Variants in WASF3 observed in about 807,000 individuals in gnomAD.
The protein encoded by WASF3 is actin-binding protein WASF3.
Under a neutral mutation model 46.6 loss-of-function variants are expected in WASF3, and 11 were observed. That is an observed-to-expected ratio of 0.24 (90% CI 0.15 to 0.39). The LOEUF is 0.39. WASF3 is among the 10% of genes least tolerant of loss of function. The probability of loss-of-function intolerance (pLI) is 1.00; values close to 1 mark genes in which losing one functional copy is unlikely to be tolerated. For synonymous variants in WASF3, 242 were observed against 259.7 expected, an observed-to-expected ratio of 0.93 and a Z score of 0.65; for missense variants, 576 against 669.8, an observed-to-expected ratio of 0.86 and a Z score of 1.55.
At chr13:26,635,486 C>G (rs1014657843) in intron 2 of WASF3, among the ~76,000 whole-genome samples, 1 of 152,196 alleles carries the variant, frequency 6.6e-6, no homozygotes, top group Non-Finnish European at 1.5e-5. Context: ...AAGCCTGCTT[C>G]TGTCAACTCG....
In WASF3 at chr13:26,593,193, G is replaced by A. The variant is rs79625247; in HGVS notation, c.-108-19768G>A. On this transcript the variant is annotated intron_variant, in intron 1 of 9. Transcript: ENST00000335327. ...TATCATCTTAGCTTGTTTATGGAAGGGTCATTTATCTTGCAAAATTTTCTA... is the reference window on the plus strand; with the variant it reads ...TATCATCTTAGCTTGTTTATGGAAGAGTCATTTATCTTGCAAAATTTTCTA... Among the ~76,000 whole-genome samples, 740 of 152,148 alleles carry A rather than the reference G, an allele frequency of 4.9e-3. 9 individuals carry two copies. Among genetic ancestry groups the A allele is most frequent in the East Asian group, 0.033 (169 of 5,174 alleles).
At chr13:26,684,444 T>G (rs1048298275) in intron 9 of WASF3, among the ~76,000 whole-genome samples, 1 of 129,104 alleles carries the variant, frequency 7.7e-6, no homozygotes, top group Admixed American at 8.1e-5. Context: ...TGTGAAGAAC[T>G]ATCCAGATTA....
At chr13:26,597,847 T>G (rs1197171791) in intron 1 of WASF3, among the ~76,000 whole-genome samples, 3 of 152,358 alleles carry the variant, frequency 2.0e-5, no homozygotes, top group Admixed American at 2.0e-4. Context: ...TGCCACATTT[T>G]CTTAATCCAG....
chr13:26,590,020 C>G (rs1371734585), intron 1 of WASF3, among the ~76,000 whole-genome samples: 1 of 152,166 alleles, frequency 6.6e-6, no homozygotes, highest in African/African-American at 2.4e-5. Context: ...CTTCCCCTTC[C>G]CCTTTGAAAC....
chr13:26,544,178 G>C, the WASF3 span, among the ~76,000 whole-genome samples: 2 of 152,212 alleles, frequency 1.3e-5, no homozygotes, highest in Non-Finnish European at 2.9e-5. Flanking sequence ...AAGAGGGTGA[G>C]AGAAAGGAGT....
At chr13:26,628,571 C>G (rs1881542755) in intron 2 of WASF3, among the ~76,000 whole-genome samples, 1 of 152,216 alleles carries the variant, frequency 6.6e-6, no homozygotes, top group African/African-American at 2.4e-5. Context: ...TTCCTGCCTC[C>G]TTTGCATGAA....
At chr13:26,615,949 C>A (rs905322940) in intron 2 of WASF3, among the ~76,000 whole-genome samples, 1 of 152,180 alleles carries the variant, frequency 6.6e-6, no homozygotes, top group Non-Finnish European at 1.5e-5. Flanking sequence ...ATCAGTAGTT[C>A]ATTCCATGTT....
At chr13:26,644,572 G>A (rs148805306) in intron 3 of WASF3, among the ~76,000 whole-genome samples, 213 of 152,296 alleles carry the variant, frequency 1.4e-3, no homozygotes, top group Non-Finnish European at 1.2e-3. Context: ...CTTCCGGTAA[G>A]CACCAGAGAT....
At chr13:26,570,598 TAC>T (rs1879606047) in intron 1 of WASF3, among the ~76,000 whole-genome samples, 1 of 152,188 alleles carries the variant, frequency 6.6e-6, no homozygotes, top group South Asian at 2.1e-4. Flanking sequence ...AGAAATTAAT[TAC>T]TCTTTATCAG....
intron 5 of WASF3, among the ~76,000 whole-genome samples, chr13:26,669,411 AATATTTGGGGTATATAAC>A (rs1275338400): frequency 6.6e-6 from 1 of 151,708 alleles, no homozygotes; most frequent in Non-Finnish European, 1.5e-5. Context: ...TTAATATAGC[AATATTTGGGGTATATAAC>A]ATATAAATTT....
At chr13:26,561,242 C>G (rs1210944847) in intron 1 of WASF3, among the ~76,000 whole-genome samples, 1 of 151,928 alleles carries the variant, frequency 6.6e-6, no homozygotes, top group African/African-American at 2.4e-5. Flanking sequence ...TCAAATTTGC[C>G]CTTTGGAGAA....
chr13:26,644,364 A>AG (rs1209160057), intron 3 of WASF3, among the ~76,000 whole-genome samples: 1 of 152,240 alleles, frequency 6.6e-6, no homozygotes, highest in Admixed American at 6.5e-5. Flanking sequence ...CAACAGCAAT[A>AG]GGAAACCACT....
intron 1 of WASF3, among the ~76,000 whole-genome samples, chr13:26,608,553 G>T (rs530673435): frequency 1.3e-5 from 2 of 152,172 alleles, no homozygotes; most frequent in African/African-American, 4.8e-5. Context: ...CTTTCTGGGG[G>T]GCAAAGACCT....
At chr13:26,678,342 T>G (rs966696242) in intron 7 of WASF3, among the ~76,000 whole-genome samples, 1 of 152,144 alleles carries the variant, frequency 6.6e-6, no homozygotes, top group Admixed American at 6.5e-5. Flanking sequence ...CAGGAAAAAA[T>G]TAAAATGAAA....
In WASF3 at chr13:26,675,470, C is replaced by T. The variant is rs1387192048; in HGVS notation, c.541-1079C>T. ...CCAGGATGCCTCCCTGACTTCCAGA[C>T]TAGACACACATACACACACACACAC... On this transcript the variant is annotated intron_variant, in intron 6 of 9. Coordinates refer to ENST00000335327, the MANE Select transcript of WASF3 (RefSeq NM_006646.6). 3.5e-5 allele frequency among the ~76,000 whole-genome samples: 4 copies of T among 115,910 alleles called. No individual in the cohort carries two copies. In the South Asian group the frequency reaches 1.0e-3, roughly 29 times the overall value. The allele number at this position is 115,910 out of a possible 152,430, so 76.0% of individuals were successfully genotyped here. A position where few individuals can be genotyped will look rare whatever the true frequency, so the allele number is the denominator to read the frequency against.
At chr13:26,575,727 A>G (rs1593374606) in intron 1 of WASF3, among the ~76,000 whole-genome samples, 1 of 152,134 alleles carries the variant, frequency 6.6e-6, no homozygotes, top group East Asian at 1.9e-4. Context: ...TCTTATTTTT[A>G]GTATTTATTT....
At chr13:26,608,993 G>A (rs1880888447) in intron 1 of WASF3, among the ~76,000 whole-genome samples, 1 of 152,062 alleles carries the variant, frequency 6.6e-6, no homozygotes, top group Admixed American at 6.6e-5. Context: ...AAATAAGTGG[G>A]GAAATAGAGC....
At chr13:26,661,349 A>T (rs1225371392) in intron 3 of WASF3, among the ~76,000 whole-genome samples, 1 of 152,212 alleles carries the variant, frequency 6.6e-6, no homozygotes, top group African/African-American at 2.4e-5. Flanking sequence ...TACATGCCTC[A>T]TATAAGTGGA....
chr13:26,660,722 A>G (rs1455484030), intron 3 of WASF3, among the ~76,000 whole-genome samples: 5 of 152,148 alleles, frequency 3.3e-5, no homozygotes, highest in Non-Finnish European at 7.3e-5. Flanking sequence ...CTGTGATAAA[A>G]TTTACATAAC....
Sources: gnomAD v4.1 joint callset for allele counts (sites outside exome capture counted in the v4.1 genomes callset) on GRCh38, gnomAD v4.1.1 for gene constraint, MANE v1.5 for transcripts, NCBI Gene and HGNC (gene_info 2026-07-23, HGNC 2026-07-21) for gene names.